The following RIC1 variants were observed in gnomAD, a reference collection of about 807,000 sequenced individuals.
RIC1 encodes the protein guanine nucleotide exchange factor subunit RIC1.
Under a neutral mutation model 169.0 loss-of-function variants are expected in RIC1, and 88 were observed. The observed-to-expected ratio is 0.52, with a 90% CI of 0.44 to 0.62. The LOEUF is 0.62. Ranked by LOEUF, RIC1 falls within the 20% of genes least tolerant of loss-of-function variation. RIC1 has a pLI of 0.00. For missense variants in RIC1, 1,877 were observed against 1,725.5 expected, an observed-to-expected ratio of 1.09 and a Z score of -1.56; for synonymous variants, 790 against 601.5, an observed-to-expected ratio of 1.31 and a Z score of -4.59.
chr9:5,740,951 T>G (rs183100666), intron 8 of RIC1, among the ~76,000 whole-genome samples: 1 of 152,170 alleles, frequency 6.6e-6, no homozygotes, highest in African/African-American at 2.4e-5. Context: ...TTTGACCAAC[T>G]CATACCTTCT....
At chr9:5,639,842 C>T (rs1354412846) in intron 1 of RIC1, among the ~76,000 whole-genome samples, 1 of 152,146 alleles carries the variant, frequency 6.6e-6, no homozygotes, top group Admixed American at 6.6e-5. Context: ...CATTCTTTGT[C>T]TCACAATTTT....
intron 1 of RIC1, among the ~76,000 whole-genome samples, chr9:5,654,820 A>G (rs565561261): frequency 6.6e-6 from 1 of 152,216 alleles, no homozygotes; most frequent in South Asian, 2.1e-4. Flanking sequence ...TTCAAAGTGT[A>G]GGGATTACAG....
intron 1 of RIC1, among the ~76,000 whole-genome samples, chr9:5,648,040 T>C (rs1818618220): frequency 6.6e-6 from 1 of 151,872 alleles, no homozygotes; most frequent in East Asian, 1.9e-4. Context: ...CGGAGTGCAA[T>C]GGTGTGATCT....
intron 3 of RIC1, among the ~76,000 whole-genome samples, chr9:5,694,271 G>T (rs142120368): frequency 2.2e-3 from 331 of 152,310 alleles, no homozygotes; most frequent in African/African-American, 7.4e-3. Context: ...ATCTGAATTA[G>T]TTACAGACTC....
At chr9:5,708,333 G>C (rs1822723743) in intron 3 of RIC1, among the ~76,000 whole-genome samples, 1 of 152,014 alleles carries the variant, frequency 6.6e-6, no homozygotes, top group African/African-American at 2.4e-5. Context: ...CAAAAATACT[G>C]CTGGCTTTTA....
intron 3 of RIC1, among the ~76,000 whole-genome samples, chr9:5,690,343 G>A (rs893257020): frequency 4.6e-5 from 7 of 152,010 alleles, no homozygotes; most frequent in African/African-American, 1.7e-4. Context: ...ATCATGAGAG[G>A]AAGAGTTGAA....
chr9:5,658,919 G>T (rs1209761138), intron 2 of RIC1, among the ~76,000 whole-genome samples: 1 of 150,064 alleles, frequency 6.7e-6, no homozygotes, highest in Non-Finnish European at 1.5e-5. Flanking sequence ...TTGGAAAATA[G>T]CTTTTGCTGT....
rs1821490431 is a variant in RIC1 at position 5,689,859 on chromosome 9, A to T, written c.253-100A>T. The T allele has an allele frequency of 2.1e-5, 16 of 752,268 alleles. No homozygotes were observed. The South Asian group carries it at 2.8e-4, about 13-fold the overall frequency. The allele number at this position is 752,268 out of a possible 1,614,324, so 46.6% of individuals were successfully genotyped here. A position where few individuals can be genotyped will look rare whatever the true frequency, so the allele number is the denominator to read the frequency against. On this transcript the variant is annotated intron_variant, in intron 2 of 25. Transcript: ENST00000414202. The stretch of plus-strand genomic sequence containing the variant: ...AATTCTCCAAGGGAGGGTATTGGAG[A>T]ATAAATTTTTTTTCGAAGTAAGAAT...
At chr9:5,681,016 C>T (rs1462485741) in intron 2 of RIC1, among the ~76,000 whole-genome samples, 64 of 150,472 alleles carry the variant, frequency 4.3e-4, no homozygotes, top group Admixed American at 1.5e-3. Context: ...TTAGTAGAGA[C>T]GGGGTTTCAC....
intron 1 of RIC1, among the ~76,000 whole-genome samples, chr9:5,640,750 A>C (rs990848493): frequency 7.4e-4 from 113 of 151,860 alleles, no homozygotes; most frequent in Middle Eastern, 3.4e-3. Flanking sequence ...AGATTGAACA[A>C]CTCCCTTTAG....
intron 2 of RIC1, among the ~76,000 whole-genome samples, chr9:5,687,920 TTGTGTG>T (rs562402154): frequency 6.6e-6 from 1 of 151,984 alleles, no homozygotes; most frequent in Non-Finnish European, 1.5e-5. Context: ...TTGGGTTTTT[TTGTGTG>T]TGTGTGTGTT....
intron 1 of RIC1, among the ~76,000 whole-genome samples, chr9:5,649,675 T>G (rs1262253067): frequency 6.6e-6 from 1 of 152,134 alleles, no homozygotes; most frequent in Non-Finnish European, 1.5e-5. Flanking sequence ...TTCATAAATT[T>G]CTTTTTTATT....
At chr9:5,689,910 A>T in intron 2 of RIC1, 49 bp from the exon 3 acceptor site, 1 of 1,213,452 alleles carries the variant, frequency 8.2e-7, no homozygotes, top group Non-Finnish European at 1.2e-6. Context: ...TCAGGGTTAC[A>T]GTTATAGCCT....
chr9:5,757,234 A>T, intron 16 of RIC1, 79 bp from the exon 17 acceptor site: 1 of 1,473,432 alleles, frequency 6.8e-7, no homozygotes, highest in Middle Eastern at 2.1e-4. Flanking sequence ...CATGAAATCT[A>T]ATACTATTAC....
At chr9:5,745,087 A>C (rs1425132459) in intron 10 of RIC1, among the ~76,000 whole-genome samples, 1 of 152,190 alleles carries the variant, frequency 6.6e-6, no homozygotes, top group Admixed American at 6.5e-5. Context: ...ATTTCTATAA[A>C]TACCAATCAG....
intron 2 of RIC1, among the ~76,000 whole-genome samples, chr9:5,681,356 T>G (rs2130645441): frequency 6.6e-6 from 1 of 152,348 alleles, no homozygotes; most frequent in Admixed American, 6.5e-5. Flanking sequence ...ATTCTGGTTA[T>G]GTTGTGTCTT....
chr9:5,644,310 CAT>C (rs1586870258), intron 1 of RIC1, among the ~76,000 whole-genome samples: 1 of 152,176 alleles, frequency 6.6e-6, no homozygotes, highest in East Asian at 1.9e-4. Flanking sequence ...TCATTGGAAT[CAT>C]ATGGTATATG....
chr9:5,670,654 T>TGGA (rs1820032712), intron 2 of RIC1, among the ~76,000 whole-genome samples: 1 of 152,230 alleles, frequency 6.6e-6, no homozygotes, highest in Non-Finnish European at 1.5e-5. Context: ...TGAGCCCAGA[T>TGGA]ATATCCATTA....
chr9:5,692,188 T>TA (rs1256958616), intron 3 of RIC1, among the ~76,000 whole-genome samples: 2 of 152,096 alleles, frequency 1.3e-5, no homozygotes, highest in Non-Finnish European at 2.9e-5. Context: ...GAATAATAGT[T>TA]AAAGATACAG....
Sources: gnomAD v4.1 joint callset for allele counts (sites outside exome capture counted in the v4.1 genomes callset) on GRCh38, gnomAD v4.1.1 for gene constraint, MANE v1.5 for transcripts, NCBI Gene and HGNC (gene_info 2026-07-23, HGNC 2026-07-21) for gene names.